Variants in ASIC2 observed in about 807,000 individuals in gnomAD.
ASIC2 encodes acid sensing ion channel subunit 2.
A neutral mutation model predicts 57.3 loss-of-function variants in ASIC2; 25 were observed. The observed-to-expected ratio is 0.44, with a 90% CI of 0.32 to 0.61. The LOEUF (loss-of-function observed/expected upper bound fraction) is 0.61. Ranked by LOEUF, ASIC2 falls within the 20% of genes least tolerant of loss-of-function variation. The pLI, the probability that ASIC2 is intolerant of heterozygous loss-of-function variation, is 0.06. For missense variants in ASIC2, 641 were observed against 738.1 expected (o/e 0.87, Z 1.52); for synonymous variants, 319 against 307.5 (o/e 1.04, Z -0.39).
chr17:33,379,520 C>T (rs987929504), intron 1 of ASIC2, among the ~76,000 whole-genome samples: 3 of 152,096 alleles, frequency 2.0e-5, no homozygotes, highest in Non-Finnish European at 4.4e-5. Flanking sequence ...CCGTGGATGC[C>T]CCAGTATTTT....
chr17:33,421,587 C>A (rs1001929362), intron 1 of ASIC2, among the ~76,000 whole-genome samples: 5 of 152,220 alleles, frequency 3.3e-5, no homozygotes, highest in African/African-American at 1.2e-4. Context: ...GTTGCATTGA[C>A]TTATTTTTTA....
chr17:33,304,085 A>C lies in ASIC2; in HGVS notation c.556-192018T>G, dbSNP rs1365847314. On this transcript the variant is annotated intron_variant, in intron 1 of 9. Transcript: ENST00000359872. ...ACAAATTGAAAACAAAACATTTCAC[A>C]GGTCCAGTAATAGAGGAATGGCCAG... Among the ~76,000 whole-genome samples the C allele has an allele frequency of 2.6e-5, 4 of 152,376 alleles. No homozygotes were observed. In the East Asian group the frequency reaches 7.7e-4, roughly 29 times the overall value.
chr17:33,101,093 T>C (rs926633402), intron 2 of ASIC2, among the ~76,000 whole-genome samples: 10 of 152,150 alleles, frequency 6.6e-5, no homozygotes, highest in Non-Finnish European at 1.3e-4. Flanking sequence ...TGCTGTAGGT[T>C]CCTGTGCCCT....
At chr17:33,552,688 G>T (rs1185436407) in intron 1 of ASIC2, among the ~76,000 whole-genome samples, 1 of 152,196 alleles carries the variant, frequency 6.6e-6, no homozygotes, top group East Asian at 1.9e-4. Context: ...TAGATACTTT[G>T]AATATTTCTC....
At chr17:33,276,986 A>G (rs1212029779) in intron 1 of ASIC2, among the ~76,000 whole-genome samples, 1 of 152,146 alleles carries the variant, frequency 6.6e-6, no homozygotes, top group East Asian at 1.9e-4. Context: ...TGCTACATAT[A>G]ATGTGGTCCC....
intron 1 of ASIC2, among the ~76,000 whole-genome samples, chr17:33,328,968 G>A (rs1021616818): frequency 6.6e-6 from 1 of 152,100 alleles, no homozygotes; most frequent in African/African-American, 2.4e-5. Flanking sequence ...TCCTGGATCC[G>A]GAGATGGTTC....
intron 1 of ASIC2, among the ~76,000 whole-genome samples, chr17:34,099,674 AAG>A (rs1306609535): frequency 1.3e-5 from 2 of 149,492 alleles, no homozygotes; most frequent in African/African-American, 2.5e-5. Flanking sequence ...GAAAGAAAGA[AAG>A]AAAGAAAAGA....
At chr17:33,642,520 T>TTGAA in intron 1 of ASIC2, among the ~76,000 whole-genome samples, 1 of 152,144 alleles carries the variant, frequency 6.6e-6, no homozygotes, top group Non-Finnish European at 1.5e-5. Context: ...AAAATACTTG[T>TTGAA]TGAATGAATG....
intron 1 of ASIC2, among the ~76,000 whole-genome samples, chr17:33,741,497 G>C (rs1431790228): frequency 1.3e-5 from 2 of 152,182 alleles, no homozygotes; most frequent in Admixed American, 6.5e-5. Flanking sequence ...GACTGCAGAA[G>C]TCAATGGAGG....
At chr17:33,908,307 C>G (rs957585523) in intron 1 of ASIC2, among the ~76,000 whole-genome samples, 2 of 152,148 alleles carry the variant, frequency 1.3e-5, no homozygotes, top group Non-Finnish European at 2.9e-5. Flanking sequence ...GTAATTTGGA[C>G]TAAAAAATTC....
chr17:34,103,131 T>C (rs979938260), intron 1 of ASIC2, among the ~76,000 whole-genome samples: 9 of 152,212 alleles, frequency 5.9e-5, no homozygotes, highest in Non-Finnish European at 1.3e-4. Flanking sequence ...TCAGAGTTTT[T>C]GTTTCTTTTG....
intron 1 of ASIC2, among the ~76,000 whole-genome samples, chr17:33,118,404 T>C (rs1332810979): frequency 1.3e-5 from 2 of 152,230 alleles, no homozygotes; most frequent in Non-Finnish European, 2.9e-5. Flanking sequence ...ACAGAAAGGC[T>C]GAGCCAGGTC....
intron 1 of ASIC2, among the ~76,000 whole-genome samples, chr17:33,440,523 G>T (rs1474455124): frequency 6.6e-6 from 1 of 152,146 alleles, no homozygotes; most frequent in Admixed American, 6.5e-5. Flanking sequence ...TTAAACTTCC[G>T]AGGAAGTGCC....
chr17:33,673,846 C>T (rs942856153), intron 1 of ASIC2, among the ~76,000 whole-genome samples: 2 of 151,800 alleles, frequency 1.3e-5, no homozygotes, highest in African/African-American at 4.8e-5. Flanking sequence ...TGAGACCTGT[C>T]CTTTGAGCTG....
At chr17:33,335,584 A>G (rs1907481903) in intron 1 of ASIC2, among the ~76,000 whole-genome samples, 2 of 152,164 alleles carry the variant, frequency 1.3e-5, no homozygotes, top group South Asian at 4.1e-4. Flanking sequence ...GTGAGTCAAT[A>G]AATCCATATG....
At position 33,257,197 on chromosome 17, in the gene ASIC2, G is replaced by A. The variant is rs144139143; in HGVS notation, c.708+34211C>T. Among the ~76,000 whole-genome samples, 482 of 152,304 alleles carry A rather than the reference G, an allele frequency of 3.2e-3. 2 individuals carry two copies. Among genetic ancestry groups the A allele is most frequent in the African/African-American group, 0.011 (462 of 41,564 alleles). ...CAGGGCTGCGTTTGTAAGCACAACC[G>A]TGGGCAGCAGCCAGGTATGGGCTGC... On this transcript the variant is annotated intron_variant, in intron 1 of 9. Transcript: ENST00000225823.
chr17:33,569,954 A>AC, intron 1 of ASIC2, among the ~76,000 whole-genome samples: 1 of 151,942 alleles, frequency 6.6e-6, no homozygotes, highest in Non-Finnish European at 1.5e-5. Context: ...GGCAAGCTGG[A>AC]TTTTTTTCTC....
chr17:33,582,262 T>C (rs1247658930), intron 1 of ASIC2, among the ~76,000 whole-genome samples: 1 of 152,216 alleles, frequency 6.6e-6, no homozygotes, highest in Non-Finnish European at 1.5e-5. Context: ...TGTTATTTAT[T>C]TGGAGGCCTT....
At chr17:33,658,726 C>T (rs896229594) in intron 1 of ASIC2, among the ~76,000 whole-genome samples, 22 of 152,140 alleles carry the variant, frequency 1.4e-4, no homozygotes, top group African/African-American at 4.3e-4. Context: ...GCTGGAGCTG[C>T]GGCTCACACC....
Sources: allele counts gnomAD v4.1 joint callset (sites outside exome capture counted in the v4.1 genomes callset), GRCh38; gene constraint gnomAD v4.1.1; transcripts MANE v1.5; gene names NCBI Gene and HGNC (gene_info 2026-07-23, HGNC 2026-07-21).